CNTNAP2: variants seen among roughly 807,000 people sequenced by gnomAD.
The protein encoded by CNTNAP2 is contactin-associated protein-like 2.
Under a neutral mutation model 155.2 loss-of-function variants are expected in CNTNAP2, and 98 were observed. The observed-to-expected ratio is 0.63, with a 90% CI of 0.54 to 0.75. CNTNAP2 has a LOEUF of 0.75. CNTNAP2 is among the 30% of genes least tolerant of loss of function. The probability of loss-of-function intolerance (pLI) is 0.00; values close to 1 mark genes in which losing one functional copy is unlikely to be tolerated. For missense variants in CNTNAP2, 1,727 were observed against 1,688.1 expected, an observed-to-expected ratio of 1.02 and a Z score of -0.40; for synonymous variants, 651 against 631.2, an observed-to-expected ratio of 1.03 and a Z score of -0.47.
At chr7:147,946,989 G>A (rs906533126) in intron 14 of CNTNAP2, among the ~76,000 whole-genome samples, 1 of 152,162 alleles carries the variant, frequency 6.6e-6, no homozygotes, top group African/African-American at 2.4e-5. Flanking sequence ...GGTTGATGAG[G>A]AGTGTAGGGA....
At chr7:147,828,949 A>G (rs17227268) in intron 13 of CNTNAP2, among the ~76,000 whole-genome samples, 3 of 152,156 alleles carry the variant, frequency 2.0e-5, no homozygotes, top group African/African-American at 4.8e-5. Context: ...TGTACTGCAC[A>G]TAGCACTCTG....
chr7:147,475,579 A>G (rs946692070), intron 10 of CNTNAP2, among the ~76,000 whole-genome samples: 3 of 152,072 alleles, frequency 2.0e-5, no homozygotes, highest in African/African-American at 7.2e-5. Context: ...TGTCTACCAT[A>G]TTAAAATATG....
chr7:147,143,399 C>T (rs188859647), intron 8 of CNTNAP2, among the ~76,000 whole-genome samples: 60 of 152,240 alleles, frequency 3.9e-4, no homozygotes, highest in African/African-American at 1.4e-3. Flanking sequence ...TTATTGTTTA[C>T]ATTTGTTTGA....
chr7:147,495,211 C>T (rs895425468), intron 11 of CNTNAP2, among the ~76,000 whole-genome samples: 7 of 152,132 alleles, frequency 4.6e-5, no homozygotes, highest in African/African-American at 7.2e-5. Context: ...TTTGGGAAGA[C>T]GTTCAAGCAG....
chr7:147,910,278 ATGT>A (rs1432719905), intron 14 of CNTNAP2, among the ~76,000 whole-genome samples: 1 of 152,170 alleles, frequency 6.6e-6, no homozygotes, highest in African/African-American at 2.4e-5. Context: ...CTCATTCGTC[ATGT>A]TGTTTAAATA....
intron 15 of CNTNAP2, among the ~76,000 whole-genome samples, chr7:148,094,945 T>A (rs1803930394): frequency 6.6e-6 from 1 of 152,074 alleles, no homozygotes; most frequent in African/African-American, 2.4e-5. Flanking sequence ...AGTGGCATAG[T>A]GGAGCTCAGA....
intron 12 of CNTNAP2, among the ~76,000 whole-genome samples, chr7:147,567,599 T>C (rs895407940): frequency 3.9e-5 from 6 of 152,028 alleles, no homozygotes; most frequent in Admixed American, 2.6e-4. Flanking sequence ...GAAGAGGAGT[T>C]GGCCAGACCG....
intron 6 of CNTNAP2, among the ~76,000 whole-genome samples, chr7:147,127,626 T>C (rs542399354): frequency 5.3e-5 from 8 of 152,282 alleles, no homozygotes; most frequent in Admixed American, 5.2e-4. Context: ...AGTTAACAGA[T>C]TCCTAACCAT....
chr7:146,352,748 C>CTTTTTTT (rs1201897985), intron 1 of CNTNAP2, among the ~76,000 whole-genome samples: 44 of 66,184 alleles, frequency 6.6e-4, no homozygotes, highest in African/African-American at 3.8e-3. Context: ...TAGCATAATT[C>CTTTTTTT]TGTTTTTTTT....
chr7:146,127,256 C>T (rs1563132056), intron 1 of CNTNAP2, among the ~76,000 whole-genome samples: 1 of 152,132 alleles, frequency 6.6e-6, no homozygotes, highest in Non-Finnish European at 1.5e-5. Context: ...ACGGTCCAAG[C>T]CTCAGAATCT....
intron 15 of CNTNAP2, among the ~76,000 whole-genome samples, chr7:148,100,407 A>G (rs1027715104): frequency 2.0e-5 from 3 of 152,230 alleles, no homozygotes; most frequent in Non-Finnish European, 4.4e-5. Context: ...AAATACACAC[A>G]CATACAGATG....
chr7:148,215,388 C>T (rs1479851836), intron 18 of CNTNAP2, among the ~76,000 whole-genome samples: 2 of 152,084 alleles, frequency 1.3e-5, no homozygotes, highest in African/African-American at 4.8e-5. Flanking sequence ...TCTTGTAGAA[C>T]CGTTTTTTTG....
intron 3 of CNTNAP2, among the ~76,000 whole-genome samples, chr7:146,981,095 G>A (rs1300886242): frequency 6.6e-6 from 1 of 152,116 alleles, no homozygotes; most frequent in Non-Finnish European, 1.5e-5. Context: ...ATTATGGAAG[G>A]AGAAGCAGAA....
intron 1 of CNTNAP2, among the ~76,000 whole-genome samples, chr7:146,361,945 G>T (rs551526907): frequency 2.6e-5 from 4 of 152,158 alleles, no homozygotes; most frequent in Non-Finnish European, 4.4e-5. Flanking sequence ...ACTATTAGTG[G>T]TACTCCACAA....
intron 1 of CNTNAP2, among the ~76,000 whole-genome samples, chr7:146,336,512 A>G (rs1317781803): frequency 6.6e-6 from 1 of 151,634 alleles, no homozygotes; most frequent in Non-Finnish European, 1.5e-5. Context: ...GTTCTTAGAC[A>G]TGATACCGAA....
intron 13 of CNTNAP2, among the ~76,000 whole-genome samples, chr7:147,646,843 A>T (rs1035712406): frequency 6.6e-6 from 1 of 152,226 alleles, no homozygotes; most frequent in Non-Finnish European, 1.5e-5. Context: ...AGGAGCAAAG[A>T]TCACGTGGAC....
chr7:147,586,550 G>GAAA, intron 12 of CNTNAP2, among the ~76,000 whole-genome samples: 2 of 88,420 alleles, frequency 2.3e-5, no homozygotes, highest in African/African-American at 8.0e-5. Flanking sequence ...AGGAAGGGAG[G>GAAA]GAGGGAGGGA....
chr7:146,904,751 G>A (rs906867410), intron 3 of CNTNAP2, among the ~76,000 whole-genome samples: 2 of 152,284 alleles, frequency 1.3e-5, no homozygotes, highest in Non-Finnish European at 2.9e-5. Flanking sequence ...GATTACAGGC[G>A]TGAGCCACCG....
Position 148,174,355 on chromosome 7 carries a change from T to A in CNTNAP2, c.3010+1877T>A, listed in dbSNP as rs536913943. ...GGACTGGAAGGATCTCCCAGCCTGA[T>A]GCTGTCTCTGCTCTGGACCTCACTC... is the stretch of plus-strand genomic sequence containing the variant. On this transcript the variant is annotated intron_variant, in intron 18 of 23. Coordinates refer to ENST00000361727, the MANE Select transcript of CNTNAP2 (RefSeq NM_014141.6). Among the ~76,000 whole-genome samples the A allele has an allele frequency of 9.8e-5, 15 of 152,304 alleles. No individual in the cohort carries two copies. In the South Asian group the frequency reaches 2.9e-3, roughly 29 times the overall value.
Sources: gnomAD v4.1 joint callset for allele counts (sites outside exome capture counted in the v4.1 genomes callset) on GRCh38, gnomAD v4.1.1 for gene constraint, MANE v1.5 for transcripts, NCBI Gene and HGNC (gene_info 2026-07-23, HGNC 2026-07-21) for gene names.